Variants in MBD5 observed in about 807,000 individuals in gnomAD.
The protein encoded by MBD5 is methyl-CpG-binding domain protein 5.
MBD5 carries 13 observed loss-of-function variants against 117.3 expected under a neutral mutation model. That is an observed-to-expected ratio of 0.11 (90% confidence interval 0.07 to 0.18). MBD5 has a LOEUF of 0.18. Among genes scored for constraint, MBD5 ranks in the 10% least tolerant of loss-of-function variants. MBD5 has a pLI of 1.00. For synonymous variants in MBD5, 727 were observed against 766.4 expected, an observed-to-expected ratio of 0.95 and a Z score of 0.85; for missense variants, 1,879 against 2,093.8, an observed-to-expected ratio of 0.90 and a Z score of 2.00.
At chr2:148,378,190 C>A (rs973399767) in intron 4 of MBD5, among the ~76,000 whole-genome samples, 2 of 152,000 alleles carry the variant, frequency 1.3e-5, no homozygotes, top group African/African-American at 4.8e-5. Flanking sequence ...AAAAATGATA[C>A]TGTATGTGAG....
intron 1 of MBD5, among the ~76,000 whole-genome samples, chr2:148,038,003 C>CA (rs1694242601): frequency 1.3e-5 from 2 of 151,836 alleles, no homozygotes; most frequent in South Asian, 4.1e-4. Context: ...ATAATAAAAG[C>CA]ATTAATTTTT....
At chr2:148,463,106 G>T (rs534332466) in intron 6 of MBD5, among the ~76,000 whole-genome samples, 1 of 152,186 alleles carries the variant, frequency 6.6e-6, no homozygotes, top group East Asian at 1.9e-4. Context: ...ATATGAAACT[G>T]TTTTACTCAT....
chr2:148,470,309 C>A lies in MBD5; in HGVS notation c.2366C>A (p.Ala789Asp). The A allele has an allele frequency of 6.2e-7, 1 of 1,613,928 alleles. No homozygotes were observed. Among genetic ancestry groups the A allele is most frequent in the Non-Finnish European group, 8.5e-7 (1 of 1,179,880 alleles). ...HLAGLINQIQASGNCGMLSQS... is the reference protein window; with the variant it reads ...HLAGLINQIQDSGNCGMLSQS... ...GCAGGTTTAATAAATCAGATTCAGG[C>A]TAGCGGGAACTGTGGGATGCTCAGT... Residue 789 changes from alanine (A) to aspartate (D), a missense_variant, in exon 8 of 14, where the codon GCT becomes GAT. By Grantham distance (126) the Ala-to-Asp change is moderately radical (BLOSUM62 -2). This residue lies in a region of MBD5 where 1,666 missense variants were observed against 1,792.2 expected (regional missense o/e 0.93). Transcript: ENST00000642680.
intron 4 of MBD5, among the ~76,000 whole-genome samples, chr2:148,421,688 A>AT (rs1425347824): frequency 6.6e-6 from 1 of 152,148 alleles, no homozygotes; most frequent in African/African-American, 2.4e-5. Context: ...CTGGCTTGAA[A>AT]TTCTTGCTAC....
intron 3 of MBD5, among the ~76,000 whole-genome samples, chr2:148,339,096 C>T (rs141441827): frequency 6.6e-5 from 10 of 152,180 alleles, no homozygotes; most frequent in African/African-American, 4.8e-5. Context: ...ACAGATGCCT[C>T]GTGCCTATCA....
intron 4 of MBD5, among the ~76,000 whole-genome samples, chr2:148,429,404 T>C (rs1705913192): frequency 6.6e-6 from 1 of 152,156 alleles, no homozygotes; most frequent in Admixed American, 6.5e-5. Context: ...TGGTGGAGTG[T>C]AAATTAGTTC....
At chr2:148,124,966 A>G (rs1197283477) in intron 1 of MBD5, among the ~76,000 whole-genome samples, 1 of 150,992 alleles carries the variant, frequency 6.6e-6, no homozygotes, top group Non-Finnish European at 1.5e-5. Context: ...ATGTAAAAAT[A>G]TATATAAAAG....
At chr2:148,466,668 CA>C (rs1707270570) in intron 7 of MBD5, among the ~76,000 whole-genome samples, 1 of 152,034 alleles carries the variant, frequency 6.6e-6, no homozygotes, top group Non-Finnish European at 1.5e-5. Context: ...CTCTTTTTAA[CA>C]AGAAAATAAG....
intron 4 of MBD5, among the ~76,000 whole-genome samples, chr2:148,386,576 G>C (rs890974853): frequency 1.3e-5 from 2 of 151,188 alleles, no homozygotes; most frequent in South Asian, 4.2e-4. Context: ...AAAATTAGCC[G>C]GGCGTAGTGG....
At chr2:148,335,768 A>G (rs1462551421) in intron 3 of MBD5, among the ~76,000 whole-genome samples, 3 of 152,084 alleles carry the variant, frequency 2.0e-5, no homozygotes, top group East Asian at 1.9e-4. Context: ...AACTTTAGAG[A>G]AAGAAGATAG....
chr2:148,235,258 A>G (rs1214802793), intron 3 of MBD5, among the ~76,000 whole-genome samples: 2 of 152,104 alleles, frequency 1.3e-5, no homozygotes, highest in Admixed American at 1.3e-4. Context: ...GAATTTTTAG[A>G]TGCAAAACTT....
intron 2 of MBD5, among the ~76,000 whole-genome samples, chr2:148,200,835 A>G (rs1699120760): frequency 6.6e-6 from 1 of 152,160 alleles, no homozygotes; most frequent in African/African-American, 2.4e-5. Flanking sequence ...AGTTCTTCTG[A>G]TCTAAATAGT....
chr2:148,026,282 A>G (rs1418905371), intron 1 of MBD5: 2 of 152,206 alleles, frequency 1.3e-5, no homozygotes, highest in Non-Finnish European at 2.9e-5. Flanking sequence ...GTTTTTATCA[A>G]TCTGTACACT....
chr2:148,074,893 C>G (rs528480513), intron 1 of MBD5, among the ~76,000 whole-genome samples: 1 of 152,074 alleles, frequency 6.6e-6, no homozygotes, highest in Non-Finnish European at 1.5e-5. Context: ...TTCCTCCAAA[C>G]TCTGTTATAG....
intron 1 of MBD5, among the ~76,000 whole-genome samples, chr2:148,031,537 A>G (rs1694040814): frequency 6.6e-6 from 1 of 152,168 alleles, no homozygotes; most frequent in Non-Finnish European, 1.5e-5. Context: ...ATTAAAATTC[A>G]GAGTAGCCTG....
chr2:148,231,813 T>G (rs563440990), intron 2 of MBD5, among the ~76,000 whole-genome samples: 1 of 152,282 alleles, frequency 6.6e-6, no homozygotes, highest in Non-Finnish European at 1.5e-5. Context: ...CAAAAATACT[T>G]AATTCCAAAT....
chr2:148,094,739 T>A (rs1419320431), intron 1 of MBD5, among the ~76,000 whole-genome samples: 2 of 152,146 alleles, frequency 1.3e-5, no homozygotes, highest in Non-Finnish European at 2.9e-5. Flanking sequence ...CAAATCACAG[T>A]TAATTTTCTA....
At chr2:148,281,595 CA>C (rs890824347) in intron 3 of MBD5, among the ~76,000 whole-genome samples, 2 of 151,834 alleles carry the variant, frequency 1.3e-5, no homozygotes, top group Non-Finnish European at 2.9e-5. Context: ...CATGATCTTT[CA>C]ATTGTGTTTG....
chr2:148,484,477 CT>C (rs1307429308), intron 9 of MBD5, among the ~76,000 whole-genome samples: 1 of 152,172 alleles, frequency 6.6e-6, no homozygotes, highest in Admixed American at 6.5e-5. Context: ...TTAAAAATCA[CT>C]TTTATTTGAA....
Sources: allele counts gnomAD v4.1 joint callset (sites outside exome capture counted in the v4.1 genomes callset), GRCh38; gene constraint gnomAD v4.1.1; regional missense constraint gnomAD v4.1.1; transcripts MANE v1.5; gene names NCBI Gene and HGNC (gene_info 2026-07-23, HGNC 2026-07-21).